The following CA10 variants were observed in gnomAD, a reference collection of about 807,000 sequenced individuals.
CA10 encodes carbonic anhydrase-related protein 10.
In CA10, 14 loss-of-function variants were observed where a neutral mutation model predicts 44.2. The ratio of observed to expected loss-of-function variants is 0.32; its 90% CI spans 0.21 to 0.50. The LOEUF is 0.50. Among genes scored for constraint, CA10 ranks in the 20% least tolerant of loss-of-function variants. The pLI is 0.99. For synonymous variants in CA10, 159 were observed against 141.6 expected (o/e 1.12, Z -0.87); for missense variants, 350 against 409.7 (o/e 0.85, Z 1.26).
chr17:51,689,646 G>A (rs1427322588), intron 4 of CA10, among the ~76,000 whole-genome samples: 1 of 152,190 alleles, frequency 6.6e-6, no homozygotes, highest in African/African-American at 2.4e-5. Context: ...GATTGCCAGT[G>A]ACAATTTCCA....
At chr17:51,888,307 A>G (rs1434115220) in intron 3 of CA10, among the ~76,000 whole-genome samples, 1 of 152,232 alleles carries the variant, frequency 6.6e-6, no homozygotes, top group Non-Finnish European at 1.5e-5. Context: ...AGAGTTTTCC[A>G]GACAAAATAA....
intron 3 of CA10, among the ~76,000 whole-genome samples, chr17:51,882,464 T>C (rs1302743051): frequency 6.6e-6 from 1 of 152,094 alleles, no homozygotes; most frequent in Non-Finnish European, 1.5e-5. Flanking sequence ...GTATGGGTGT[T>C]GGGGGAGGAT....
At chr17:51,818,914 A>C (rs866496510) in intron 3 of CA10, among the ~76,000 whole-genome samples, 3 of 152,210 alleles carry the variant, frequency 2.0e-5, no homozygotes, top group Non-Finnish European at 2.9e-5. Context: ...GCATGTAGTA[A>C]CACTATAAAT....
chr17:51,793,467 C>G (rs1906597809), intron 3 of CA10, among the ~76,000 whole-genome samples: 1 of 152,192 alleles, frequency 6.6e-6, no homozygotes, highest in Admixed American at 6.5e-5. Flanking sequence ...TAATCCCTGA[C>G]AATCTTTAAT....
At chr17:51,854,550 C>T (rs560143225) in intron 3 of CA10, among the ~76,000 whole-genome samples, 26 of 152,118 alleles carry the variant, frequency 1.7e-4, no homozygotes, top group East Asian at 1.2e-3. Flanking sequence ...ATGAGATGGC[C>T]GAGGAGTCAC....
intron 1 of CA10, among the ~76,000 whole-genome samples, chr17:52,106,105 T>C (rs1268199497): frequency 6.6e-6 from 1 of 152,260 alleles, no homozygotes; most frequent in Non-Finnish European, 1.5e-5. Flanking sequence ...TCTTAGATTT[T>C]GCTATAGGGG....
At chr17:51,838,145 A>T (rs1298595172) in intron 3 of CA10, among the ~76,000 whole-genome samples, 1 of 152,224 alleles carries the variant, frequency 6.6e-6, no homozygotes, top group African/African-American at 2.4e-5. Flanking sequence ...ACATTAACAG[A>T]TTTAAAAAAT....
intron 4 of CA10, among the ~76,000 whole-genome samples, chr17:51,703,459 A>G (rs1406053415): frequency 6.6e-6 from 1 of 152,058 alleles, no homozygotes; most frequent in Non-Finnish European, 1.5e-5. Flanking sequence ...CTATGGTCTC[A>G]TTCTCTTTGT....
At chr17:51,944,672 G>T (rs1313408324) in intron 2 of CA10, among the ~76,000 whole-genome samples, 3 of 151,988 alleles carry the variant, frequency 2.0e-5, no homozygotes, top group Non-Finnish European at 4.4e-5. Context: ...AAAACAATGT[G>T]CACTGGAGGG....
In CA10 at chr17:51,924,832, C is replaced by A. The variant is rs201352494; in HGVS notation, c.279+6158G>T. Among the ~76,000 whole-genome samples, 4 of 152,296 alleles carry A rather than the reference C, an allele frequency of 2.6e-5. No homozygotes were observed. The East Asian group carries it at 7.7e-4, about 29-fold the overall frequency. ...GTCCCTCTATGAGGGATCCTCATGA[C>A]TCAACATGTTCCATGTCTCTTGCTG... On this transcript the variant is annotated intron_variant, in intron 3 of 8. Transcript: ENST00000451037.
chr17:51,942,110 T>A (rs745549792), intron 2 of CA10, among the ~76,000 whole-genome samples: 7 of 152,184 alleles, frequency 4.6e-5, no homozygotes, highest in Non-Finnish European at 1.0e-4. Flanking sequence ...CCTCAGTTTT[T>A]GCAATTTCTC....
chr17:51,689,473 A>C (rs1035394639), intron 4 of CA10, among the ~76,000 whole-genome samples: 1 of 152,194 alleles, frequency 6.6e-6, no homozygotes, highest in African/African-American at 2.4e-5. Context: ...ATTTGTCATA[A>C]ATTGGCAAAG....
At chr17:52,053,323 A>G (rs1346770592) in intron 2 of CA10, among the ~76,000 whole-genome samples, 2 of 152,068 alleles carry the variant, frequency 1.3e-5, no homozygotes, top group Non-Finnish European at 2.9e-5. Context: ...TAAAACAGGA[A>G]CAAATAGATA....
intron 3 of CA10, among the ~76,000 whole-genome samples, chr17:51,846,447 G>A (rs979655729): frequency 2.0e-5 from 3 of 152,194 alleles, no homozygotes; most frequent in Non-Finnish European, 4.4e-5. Context: ...TGTGCCCCTT[G>A]TTGCACAATG....
chr17:51,897,794 G>A (rs1401030291), intron 3 of CA10, among the ~76,000 whole-genome samples: 2 of 152,038 alleles, frequency 1.3e-5, no homozygotes, highest in Non-Finnish European at 2.9e-5. Flanking sequence ...CTGGTTAGCT[G>A]TATTCCTAGG....
At chr17:51,769,353 C>T (rs8067436) in intron 3 of CA10, among the ~76,000 whole-genome samples, 1 of 151,864 alleles carries the variant, frequency 6.6e-6, no homozygotes, top group African/African-American at 2.4e-5. Context: ...AAAAGAGAGA[C>T]TCATCTCTCT....
intron 3 of CA10, among the ~76,000 whole-genome samples, chr17:51,862,974 G>C (rs941880351): frequency 6.6e-6 from 1 of 152,106 alleles, no homozygotes; most frequent in South Asian, 2.1e-4. Flanking sequence ...TGAATGTGGA[G>C]GGGAGGCACA....
At position 51,735,345 on chromosome 17, in the gene CA10, G is replaced by A. The variant is rs115921002; in HGVS notation, c.465+12288C>T. On this transcript the variant is annotated intron_variant, in intron 4 of 8. Transcript: ENST00000451037. ...CTCATAAGTGGGAGCTAAACGTTGG[G>A]TACTCAATGGCACCGACAGACACTG... 8.4e-3 allele frequency among the ~76,000 whole-genome samples: 1,285 copies of A among 152,206 alleles called. 17 individuals carry two copies. The highest frequency in any genetic ancestry group is 0.029 in the African/African-American group (1,222 of 41,530).
intron 3 of CA10, among the ~76,000 whole-genome samples, chr17:51,810,030 A>G (rs1040661037): frequency 6.6e-6 from 1 of 152,206 alleles, no homozygotes; most frequent in Non-Finnish European, 1.5e-5. Flanking sequence ...AGGCCAAAAC[A>G]TGGGACAGAA....
Sources: allele counts gnomAD v4.1 joint callset (sites outside exome capture counted in the v4.1 genomes callset), GRCh38; gene constraint gnomAD v4.1.1; transcripts MANE v1.5; gene names NCBI Gene and HGNC (gene_info 2026-07-23, HGNC 2026-07-21).